Variants in GOLGA1 observed in about 807,000 individuals in gnomAD.
GOLGA1 encodes golgin subfamily A member 1.
In GOLGA1, 63 loss-of-function variants were observed where a neutral mutation model predicts 119.7. That is an observed-to-expected ratio of 0.53 (90% CI 0.43 to 0.65). GOLGA1 has a LOEUF of 0.65. GOLGA1 is among the 30% of genes least tolerant of loss of function. The pLI, the probability that GOLGA1 is intolerant of heterozygous loss-of-function variation, is 0.00. For synonymous variants in GOLGA1, 318 were observed against 333.4 expected (o/e 0.95, Z 0.50); for missense variants, 798 against 912.8 (o/e 0.87, Z 1.62).
chr9:124,939,133 A>C (rs1029777799), intron 2 of GOLGA1, among the ~76,000 whole-genome samples: 3 of 152,028 alleles, frequency 2.0e-5, no homozygotes, highest in African/African-American at 7.2e-5. Context: ...CTGATTCACA[A>C]ATCTCTACGT....
chr9:124,923,195 T>A lies in GOLGA1; in HGVS notation c.461A>T (p.Gln154Leu). 6.3e-7 allele frequency: 1 copy of A among 1,598,374 alleles called. No homozygotes were observed. The highest frequency in any genetic ancestry group is 8.6e-7 in the Non-Finnish European group (1 of 1,167,216). Reference sequence around the variant, plus strand: ...ATTCATACTCTGGTTCTTCATTTCCTGTAACTGGGCTGTCAGAATATTTTT... The same window carrying A: ...ATTCATACTCTGGTTCTTCATTTCCAGTAACTGGGCTGTCAGAATATTTTT... ...KEKNILTAQL[Q>L]EMKNQSMNLF... Residue 154 changes from glutamine (Q) to leucine (L), a missense_variant, in exon 8 of 23, where the codon CAG becomes CTG. Physicochemically the swap from Gln to Leu is moderately radical, Grantham distance 113. Coordinates refer to ENST00000373555, the MANE Select transcript of GOLGA1 (RefSeq NM_002077.4).
chr9:124,910,119 C>T (rs1830312550), intron 11 of GOLGA1, among the ~76,000 whole-genome samples: 2 of 152,222 alleles, frequency 1.3e-5, no homozygotes, highest in Admixed American at 6.5e-5. Flanking sequence ...TTAGTAGAGA[C>T]GGGCTTTCAC....
At chr9:124,904,616 C>A (rs147571475) in intron 12 of GOLGA1, among the ~76,000 whole-genome samples, 233 of 152,238 alleles carry the variant, frequency 1.5e-3, no homozygotes, top group African/African-American at 5.2e-3. Flanking sequence ...TGAGACCAGC[C>A]TGGCCAACAT....
At chr9:124,916,101 C>CTAAA (rs5900631) in intron 10 of GOLGA1, among the ~76,000 whole-genome samples, 49,189 of 144,082 alleles carry the variant, frequency 0.34, 9,159 homozygotes, top group Middle Eastern at 0.44. Flanking sequence ...GACTGTATCT[C>CTAAA]TAAATAAATA....
intron 19 of GOLGA1, chr9:124,887,659 A>G (rs928883060): frequency 6.5e-6 from 1 of 153,150 alleles, no homozygotes; most frequent in African/African-American, 2.4e-5. Context: ...TGGGGGCAGA[A>G]TGTCAGGCCA....
chr9:124,928,110 G>T (rs537247873), intron 6 of GOLGA1, 78 bp downstream of exon 6: 7 of 640,728 alleles, frequency 1.1e-5, no homozygotes, highest in Non-Finnish European at 1.9e-5. Context: ...TTTTCTATAG[G>T]TTATGTCATG....
chr9:124,928,308 T>G (rs754925296), intron 5 of GOLGA1, 23 bp from the exon 6 acceptor site: 1 of 1,320,110 alleles, frequency 7.6e-7, no homozygotes, highest in Non-Finnish European at 1.1e-6. Context: ...AGGCTCTATT[T>G]GAGATATGAA....
chr9:124,898,144 T>C (rs1830018663), intron 15 of GOLGA1, among the ~76,000 whole-genome samples: 1 of 152,194 alleles, frequency 6.6e-6, no homozygotes, highest in African/African-American at 2.4e-5. Flanking sequence ...GTCCTTATCA[T>C]CTTTTAAGGC....
intron 19 of GOLGA1, among the ~76,000 whole-genome samples, chr9:124,884,121 C>A (rs1337200097): frequency 6.6e-6 from 1 of 151,952 alleles, no homozygotes; most frequent in Non-Finnish European, 1.5e-5. Context: ...AAGCAATTCT[C>A]CCACCTCAGT....
At chr9:124,926,997 A>G (rs1320854810) in intron 6 of GOLGA1, among the ~76,000 whole-genome samples, 1 of 152,230 alleles carries the variant, frequency 6.6e-6, no homozygotes, top group Non-Finnish European at 1.5e-5. Context: ...ATTTTTACTA[A>G]GCAGGGCACC....
In GOLGA1 at chr9:124,899,546, C is replaced by T. The variant is rs995696003; in HGVS notation, c.1162-68G>A. 21 of 1,445,230 alleles carry T rather than the reference C, an allele frequency of 1.5e-5. No individual in the cohort carries two copies. In the African/African-American group the frequency reaches 2.5e-4, roughly 17 times the overall value. The allele number at this position is 1,445,230 out of a possible 1,614,324, so 89.5% of individuals were successfully genotyped here. A position where few individuals can be genotyped will look rare whatever the true frequency, so the allele number is the denominator to read the frequency against. ...TTCCAGTGGGGGATCTTAGTCTGGC[C>T]CTAGGTGAGAAGATGAGTATCCAAC... On this transcript the variant is annotated intron_variant, in intron 13 of 22. Transcript: ENST00000373555.
intron 10 of GOLGA1, among the ~76,000 whole-genome samples, chr9:124,920,428 T>G (rs1265489129): frequency 6.6e-6 from 1 of 152,040 alleles, no homozygotes; most frequent in Admixed American, 6.6e-5. Flanking sequence ...TTCAAAAATA[T>G]TATCATTCAT....
At chr9:124,934,231 G>A (rs113936430) in intron 3 of GOLGA1, among the ~76,000 whole-genome samples, 4,422 of 152,192 alleles carry the variant, frequency 0.029, 229 homozygotes, top group African/African-American at 0.097. Context: ...ACACTTTATT[G>A]TCTTTCATGA....
At chr9:124,942,360 G>A (rs1831064941), upstream of GOLGA1, among the ~76,000 whole-genome samples, 1 of 152,138 alleles carries the variant, frequency 6.6e-6, no homozygotes, top group African/African-American at 2.4e-5. Context: ...AAGGAACTCT[G>A]GTTCCATCCC....
At chr9:124,926,789 T>C in intron 6 of GOLGA1, 48 bp from the exon 7 acceptor site, 1 of 997,000 alleles carries the variant, frequency 1.0e-6, no homozygotes. Context: ...AGAGTATCTG[T>C]AATACCAAGA....
rs1564352193 is a variant in GOLGA1 at position 124,946,626 on chromosome 9, G to C, written c.-156+1292C>G. 6.6e-6 allele frequency: 1 copy of C among 152,082 alleles called. No homozygotes were observed. The highest frequency in any genetic ancestry group is 2.4e-5 in the African/African-American group (1 of 41,416). 9.4% of individuals were successfully genotyped at this position (152,082 alleles called of 1,614,324 possible). ...TGAAGTAACCAAACATTGATACTTGGCAACATTCTATAGGTTCACAAATTG... is the reference window on the plus strand; with the variant it reads ...TGAAGTAACCAAACATTGATACTTGCCAACATTCTATAGGTTCACAAATTG... On this transcript the variant is annotated intron_variant, in intron 1 of 4. Coordinates refer to the GOLGA1 transcript ENST00000421514. This position sits in a 1 kb window ranked among gnomAD's most constrained non-coding sequence, Gnocchi z 4.0.
chr9:124,934,381 A>C (rs2131531264), intron 3 of GOLGA1, among the ~76,000 whole-genome samples: 1 of 152,316 alleles, frequency 6.6e-6, no homozygotes, highest in African/African-American at 2.4e-5. Flanking sequence ...CCAGAGGAGA[A>C]GGTCAGGTCA....
In GOLGA1 at chr9:124,879,069, A is replaced by T. The variant is rs1829512756; in HGVS notation, c.*1461T>A. 1 of 152,232 alleles carries T rather than the reference A, an allele frequency of 6.6e-6. No homozygotes were observed. Among genetic ancestry groups the T allele is most frequent in the African/African-American group, 2.4e-5 (1 of 41,464 alleles). 9.4% of individuals were successfully genotyped at this position (152,232 alleles called of 1,614,324 possible). ...AGATGCTGCCCTGACTTGGTTCTTC[A>T]TGGAAATTTCGTTAGGTTAACGTTG... On this transcript the variant is annotated 3_prime_UTR_variant, in exon 23 of 23. Coordinates refer to ENST00000373555, the MANE Select transcript of GOLGA1 (RefSeq NM_002077.4).
At chr9:124,907,109 A>G (rs1830250155) in intron 12 of GOLGA1, among the ~76,000 whole-genome samples, 1 of 152,226 alleles carries the variant, frequency 6.6e-6, no homozygotes, top group Admixed American at 6.5e-5. Context: ...TATAGTACAG[A>G]TATCACTATA....
Sources: gnomAD v4.1 joint callset for allele counts (sites outside exome capture counted in the v4.1 genomes callset) on GRCh38, gnomAD v4.1.1 for gene constraint, Gnocchi (gnomAD v3.1) non-coding constraint, MANE v1.5 for transcripts, NCBI Gene and HGNC (gene_info 2026-07-23, HGNC 2026-07-21) for gene names.